Variants in INPP4B observed in about 807,000 individuals in gnomAD.
INPP4B encodes the protein inositol polyphosphate-4-phosphatase type II B.
INPP4B carries 55 observed loss-of-function variants against 122.5 expected under a neutral mutation model. The observed-to-expected ratio is 0.45, with a 90% CI of 0.36 to 0.56. INPP4B has a LOEUF of 0.56. INPP4B is among the 20% of genes least tolerant of loss of function. The pLI is 0.00. For synonymous variants in INPP4B, 403 were observed against 388.7 expected, an observed-to-expected ratio of 1.04 and a Z score of -0.43; for missense variants, 1,000 against 1,097.7, an observed-to-expected ratio of 0.91 and a Z score of 1.26.
chr4:142,186,005 C>T (rs75762375), intron 15 of INPP4B, among the ~76,000 whole-genome samples: 5 of 151,374 alleles, frequency 3.3e-5, no homozygotes, highest in Admixed American at 1.3e-4. Context: ...ACCTTGCAAG[C>T]GCAGGTGGTT....
intron 7 of INPP4B, among the ~76,000 whole-genome samples, chr4:142,335,968 T>C (rs987636113): frequency 2.0e-5 from 3 of 152,162 alleles, no homozygotes; most frequent in Non-Finnish European, 4.4e-5. Flanking sequence ...ACTTCCGTGG[T>C]GTCTCTTAGA....
chr4:142,533,970 C>T (rs1827911513), intron 2 of INPP4B, among the ~76,000 whole-genome samples: 1 of 152,160 alleles, frequency 6.6e-6, no homozygotes, highest in Admixed American at 6.5e-5. Flanking sequence ...GAAGCTTTAA[C>T]AGCCAGTGGA....
chr4:142,362,012 C>T (rs556211975), intron 7 of INPP4B, among the ~76,000 whole-genome samples: 60 of 152,038 alleles, frequency 3.9e-4, no homozygotes, highest in African/African-American at 1.4e-3. Flanking sequence ...AAAACATGAA[C>T]ACAAACAACC....
intron 3 of INPP4B, among the ~76,000 whole-genome samples, chr4:142,442,105 C>T (rs2149446675): frequency 6.6e-6 from 1 of 151,860 alleles, no homozygotes; most frequent in Non-Finnish European, 1.5e-5. Flanking sequence ...ACTTCAAAAG[C>T]ATAGACCATA....
chr4:142,642,380 C>T (rs189678624), intron 2 of INPP4B, among the ~76,000 whole-genome samples: 208 of 152,262 alleles, frequency 1.4e-3, no homozygotes, highest in Middle Eastern at 3.4e-3. Flanking sequence ...AGGTTTTCTT[C>T]TAGGGTTTTT....
rs368992979 is a variant in INPP4B, at chr4:142,303,385, G to T, written c.503+2073C>A. On this transcript the variant is annotated intron_variant, in intron 9 of 25. Transcript: ENST00000262992. Reference sequence around the variant, plus strand: ...GTGAATTTGTTTTACAGAAATCAGAGAATTTTATTGTTTTAAAATTAATGA... The same window carrying T: ...GTGAATTTGTTTTACAGAAATCAGATAATTTTATTGTTTTAAAATTAATGA... Among the ~76,000 whole-genome samples, 17 of 152,176 alleles carry T rather than the reference G, an allele frequency of 1.1e-4. No homozygotes were observed. In the East Asian group the frequency reaches 2.1e-3, roughly 19 times the overall value.
intron 2 of INPP4B, among the ~76,000 whole-genome samples, chr4:142,641,502 C>A (rs1039145162): frequency 6.6e-6 from 1 of 150,836 alleles, no homozygotes; most frequent in Non-Finnish European, 1.5e-5. Context: ...TCCCAGCTAT[C>A]AGTGAGAACA....
chr4:142,472,350 C>T (rs1818994499), intron 2 of INPP4B, among the ~76,000 whole-genome samples: 2 of 151,310 alleles, frequency 1.3e-5, no homozygotes, highest in South Asian at 4.2e-4. Flanking sequence ...TCATTGTGTC[C>T]AATTACCCAT....
chr4:142,197,126 C>A (rs866816085), intron 14 of INPP4B, among the ~76,000 whole-genome samples: 46 of 67,222 alleles, frequency 6.8e-4, no homozygotes, highest in African/African-American at 7.4e-4. Context: ...AACTCCGTCT[C>A]AAAAAAAAAA....
Position 142,131,267 on chromosome 4 carries a change from C to T in INPP4B, c.1721-6507G>A, listed in dbSNP as rs1801128084. On this transcript the variant is annotated intron_variant, in intron 18 of 25. Coordinates refer to ENST00000262992, the MANE Select transcript of INPP4B (RefSeq NM_001101669.3). The stretch of plus-strand genomic sequence containing the variant: ...TCAATATGTCTACATCAGTGAGCTC[C>T]TGTCATTTAAATATTGGCCAGCATC... 2.0e-5 allele frequency among the ~76,000 whole-genome samples: 3 copies of T among 152,252 alleles called. No individual in the cohort carries two copies. In the South Asian group the frequency reaches 6.2e-4, roughly 32 times the overall value.
At chr4:142,582,400 T>C (rs1735297234) in intron 2 of INPP4B, among the ~76,000 whole-genome samples, 2 of 152,116 alleles carry the variant, frequency 1.3e-5, no homozygotes, top group South Asian at 4.1e-4. Flanking sequence ...TCTGTTCAAG[T>C]GGGTGGTAAA....
At chr4:142,798,784 T>C (rs1202052708) in intron 1 of INPP4B, among the ~76,000 whole-genome samples, 2 of 151,804 alleles carry the variant, frequency 1.3e-5, no homozygotes, top group Non-Finnish European at 2.9e-5. Flanking sequence ...ATTAGTATAT[T>C]ATTTATTTAA....
At chr4:142,148,229 TTG>T (rs1003860203) in intron 17 of INPP4B, among the ~76,000 whole-genome samples, 2 of 152,048 alleles carry the variant, frequency 1.3e-5, no homozygotes, top group African/African-American at 4.8e-5. Flanking sequence ...TGAAAGGAAC[TTG>T]TGTGTGTGTT....
chr4:142,190,692 TTAAAA>T (rs1835380286), intron 15 of INPP4B, among the ~76,000 whole-genome samples: 1 of 151,740 alleles, frequency 6.6e-6, no homozygotes, highest in African/African-American at 2.4e-5. Context: ...TACTTTTATC[TTAAAA>T]TTAACCCAAG....
chr4:142,586,094 G>A (rs1736136538), intron 2 of INPP4B, among the ~76,000 whole-genome samples: 1 of 152,034 alleles, frequency 6.6e-6, no homozygotes. Context: ...CAGATTGCTT[G>A]AACTCAGGTG....
chr4:142,524,510 T>C (rs1404777101), intron 2 of INPP4B, among the ~76,000 whole-genome samples: 2 of 152,110 alleles, frequency 1.3e-5, no homozygotes, highest in African/African-American at 2.4e-5. Flanking sequence ...GGTTGTTTGT[T>C]TTTTTCTTGT....
intron 7 of INPP4B, among the ~76,000 whole-genome samples, chr4:142,336,779 G>A (rs1050350664): frequency 3.3e-5 from 5 of 152,226 alleles, no homozygotes; most frequent in African/African-American, 1.2e-4. Flanking sequence ...CAAGGCCCCA[G>A]GCAGAGGCGC....
intron 17 of INPP4B, among the ~76,000 whole-genome samples, chr4:142,153,294 C>A (rs1815342671): frequency 6.6e-6 from 1 of 152,130 alleles, no homozygotes; most frequent in Non-Finnish European, 1.5e-5. Context: ...TTGTATGAAC[C>A]TTGATAAATC....
At chr4:142,735,010 C>T (rs1314195025) in intron 1 of INPP4B, among the ~76,000 whole-genome samples, 6 of 152,176 alleles carry the variant, frequency 3.9e-5, no homozygotes, top group Non-Finnish European at 8.8e-5. Flanking sequence ...TTTCAATCTG[C>T]AGGTGTTCTT....
Sources: allele counts gnomAD v4.1 joint callset (sites outside exome capture counted in the v4.1 genomes callset), GRCh38; gene constraint gnomAD v4.1.1; transcripts MANE v1.5; gene names NCBI Gene and HGNC (gene_info 2026-07-23, HGNC 2026-07-21).